ZNF217: variants seen among roughly 807,000 people sequenced by gnomAD.
ZNF217 encodes the protein zinc finger protein 217.
Under a neutral mutation model 73.3 loss-of-function variants are expected in ZNF217, and 12 were observed. That is an observed-to-expected ratio of 0.16 (90% CI 0.10 to 0.27). ZNF217 has a LOEUF of 0.27. ZNF217 is among the 10% of genes least tolerant of loss of function. The pLI, the probability that ZNF217 is intolerant of heterozygous loss-of-function variation, is 1.00. For synonymous variants in ZNF217, 588 were observed against 516.4 expected (o/e 1.14, Z -1.88); for missense variants, 1,195 against 1,327.8 (o/e 0.90, Z 1.55).
chr20:53,582,475 G>A lies in ZNF217; in HGVS notation c.352C>T (p.Pro118Ser), dbSNP rs765573610. 1.9e-6 allele frequency: 3 copies of A among 1,614,004 alleles called. No individual in the cohort carries two copies. Among genetic ancestry groups the A allele is most frequent in the Admixed American group, 3.3e-5 (2 of 60,008 alleles). ...LDKSQVRTEP[P>S]KEKNCKENEF... ...TTTTCCTTGCAATTCTTTTCCTTGG[G>A]AGGTTCTGTTCGCACTTGACTTTTA... Residue 118 changes from proline to serine, a missense_variant, in exon 2 of 6, where the codon CCC becomes TCC. Pro to Ser is a moderately conservative substitution (Grantham distance 74). Coordinates refer to ENST00000371471, the MANE Select transcript of ZNF217 (RefSeq NM_006526.3). This position sits in a 1 kb window ranked among gnomAD's most constrained non-coding sequence, Gnocchi z 4.8.
chr20:53,578,614 G>A (rs1324310360), intron 2 of ZNF217, among the ~76,000 whole-genome samples, 164 bp from the exon 3 acceptor site: 1 of 152,236 alleles, frequency 6.6e-6, no homozygotes, highest in African/African-American at 2.4e-5. Flanking sequence ...ACCAAATGCT[G>A]TTGGAGGTTG....
chr20:53,578,376 G>A lies in ZNF217; in HGVS notation c.1441C>T (p.Arg481Cys). ...TGAATATTGAGGTAATAATTTGAAC[G>A]GAAAAACTTTCCACAATAACTACAC... Reference protein sequence around the residue: ...RECSYCGKFFRSNYYLNIHLR... With the variant: ...RECSYCGKFFCSNYYLNIHLR... The change falls in exon 3 of 6, where the codon CGT becomes TGT. Residue 481 changes from arginine to cysteine, a missense_variant. Transcript: ENST00000371471. 4.4e-6 allele frequency: 7 copies of A among 1,595,494 alleles called. No homozygotes were observed. Among genetic ancestry groups the A allele is most frequent in the Non-Finnish European group, 6.0e-6 (7 of 1,173,996 alleles).
Position 53,568,977 on chromosome 20 carries a change from A to T in ZNF217, c.*311T>A, listed in dbSNP as rs1987865383. ...TTCAGCAGCGCTCAAGTATGCAAAAATTCCACTTCTTATTTGGTCAATTCT... is the reference window on the plus strand; with the variant it reads ...TTCAGCAGCGCTCAAGTATGCAAAATTTCCACTTCTTATTTGGTCAATTCT... On this transcript the variant is annotated 3_prime_UTR_variant, in exon 6 of 6. Transcript: ENST00000371471. 8.9e-6 allele frequency: 4 copies of T among 450,220 alleles called. No homozygotes were observed. The highest frequency in any genetic ancestry group is 1.2e-5 in the Non-Finnish European group (4 of 330,992). The allele number at this position is 450,220 out of a possible 1,614,324, so 27.9% of individuals were successfully genotyped here.
chr20:53,583,210 G>A (rs182799042), intron 1 of ZNF217, 42 bp from the exon 2 acceptor site: 32 of 405,644 alleles, frequency 7.9e-5, no homozygotes, highest in Non-Finnish European at 1.1e-4. Context: ...CACTCAGAGC[G>A]AAGAGAAGGC....
In ZNF217 at chr20:53,581,516, C is replaced by A. The variant is rs754993051; in HGVS notation, c.1311G>T (p.Gly437=). 1 of 1,614,076 alleles carries A rather than the reference C, an allele frequency of 6.2e-7. No homozygotes were observed. Among genetic ancestry groups the A allele is most frequent in the South Asian group, 1.1e-5 (1 of 91,086 alleles). ...PLDENGAVDR[G]EGGSEDGSED... Reference sequence around the variant, plus strand: ...CAGATCCGTCTTCAGAACCACCTTCCCCTCGATCCACGGCTCCATTTTCAT... The same window carrying A: ...CAGATCCGTCTTCAGAACCACCTTCACCTCGATCCACGGCTCCATTTTCAT... The change falls in exon 2 of 6, where the codon GGG becomes GGT. Residue 437 remains glycine (G), a synonymous_variant. Coordinates refer to ENST00000371471, the MANE Select transcript of ZNF217 (RefSeq NM_006526.3). This position sits in a 1 kb window ranked among gnomAD's most constrained non-coding sequence, Gnocchi z 4.9.
At chr20:53,577,802 C>T (rs1476355372) in intron 3 of ZNF217, among the ~76,000 whole-genome samples, 1 of 152,164 alleles carries the variant, frequency 6.6e-6, no homozygotes, top group Non-Finnish European at 1.5e-5. Flanking sequence ...ATAAACTAAA[C>T]AAATGAACTT....
At chr20:53,588,875 GA>G (rs1320687670) in intron 1 of ZNF217, among the ~76,000 whole-genome samples, 3 of 152,124 alleles carry the variant, frequency 2.0e-5, no homozygotes, top group African/African-American at 7.2e-5. Flanking sequence ...AAATCAAGGG[GA>G]AAAGTCTCCT....
chr20:53,583,814 G>T (rs1348869252), intron 1 of ZNF217, among the ~76,000 whole-genome samples: 1 of 152,202 alleles, frequency 6.6e-6, no homozygotes, highest in Non-Finnish European at 1.5e-5. Context: ...ATATATTTTG[G>T]TTCACTGGAT....
At chr20:53,569,668 G>C (rs1211752770) in intron 5 of ZNF217, among the ~76,000 whole-genome samples, 1 of 152,206 alleles carries the variant, frequency 6.6e-6, no homozygotes, top group African/African-American at 2.4e-5. Context: ...ACAGGCATGA[G>C]CCACTGCGCC....
At chr20:53,587,877 GT>G (rs1046332657) in intron 1 of ZNF217, among the ~76,000 whole-genome samples, 4 of 150,002 alleles carry the variant, frequency 2.7e-5, no homozygotes, top group Non-Finnish European at 5.9e-5. Context: ...AAAGCTACAG[GT>G]TTTTTTATTT....
At chr20:53,591,907 A>C (rs191414982) in intron 1 of ZNF217, among the ~76,000 whole-genome samples, 34 of 152,360 alleles carry the variant, frequency 2.2e-4, no homozygotes, top group Admixed American at 1.6e-3. Context: ...AAGTACAGTA[A>C]AATAAGAACA....
intron 3 of ZNF217, among the ~76,000 whole-genome samples, chr20:53,578,106 C>T (rs537881934): frequency 1.1e-4 from 17 of 151,770 alleles, no homozygotes; most frequent in African/African-American, 3.4e-4. Flanking sequence ...AGCAAGACTC[C>T]GTCTCAAAAA....
At chr20:53,593,489 A>C (rs991179794) in intron 1 of ZNF217, among the ~76,000 whole-genome samples, 12 of 148,434 alleles carry the variant, frequency 8.1e-5, no homozygotes, top group African/African-American at 1.5e-4. Context: ...CCGCACCCCA[A>C]GCCCCTCTGA....
At chr20:53,572,520 G>T (rs1014893069) in intron 4 of ZNF217, 1 of 152,072 alleles carries the variant, frequency 6.6e-6, no homozygotes, top group African/African-American at 2.4e-5. Context: ...AAGCACCATG[G>T]GGGGGGAAAT....
At position 53,576,098 on chromosome 20, in the gene ZNF217, T is replaced by C. The variant is rs34323943; in HGVS notation, c.2666A>G (p.Asp889Gly). ...TCTTCCCGGAGGTGCCCACGGGCTG[T>C]CGTTCTTGGCGGGGTAGTCGATGGA... is the stretch of plus-strand genomic sequence containing the variant. ...NGSIDYPAKN[D>G]SPWAPPGRDY... is the part of the protein sequence containing the mutation. Residue 889 changes from aspartate (D) to glycine (G), a missense_variant, in exon 4 of 6, where the codon GAC becomes GGC. This residue lies in a region of ZNF217 where 649 missense variants were observed against 642.8 expected (regional missense o/e 1.01). Transcript: ENST00000371471. 175,351 of 1,614,182 alleles carry C rather than the reference T, an allele frequency of 0.11. 10,459 individuals are homozygous for C. Among genetic ancestry groups the C allele is most frequent in the Middle Eastern group, 0.17 (1,001 of 6,060 alleles).
rs748367896 is a variant in ZNF217 at position 53,581,948 on chromosome 20, G to A, written c.879C>T (p.Phe293=). The A allele has an allele frequency of 1.4e-5, 23 of 1,614,130 alleles. No homozygotes were observed. The South Asian group carries it at 2.0e-4, about 14-fold the overall frequency. The change falls in exon 2 of 6, where the codon TTC becomes TTT. Residue 293 remains phenylalanine (F), a synonymous_variant. Coordinates refer to ENST00000371471, the MANE Select transcript of ZNF217 (RefSeq NM_006526.3). This position sits in a 1 kb window ranked among gnomAD's most constrained non-coding sequence, Gnocchi z 4.9. ...PVRCIPQLDP[F]TTFQAWQLAT... ...CCAGCTGCCAAGCCTGGAAGGTGGT[G>A]AACGGATCGAGCTGAGGGATGCATC...
upstream of ZNF217, chr20:53,597,603 A>ATG (rs1271056356): frequency 6.9e-6 from 1 of 145,008 alleles, no homozygotes; most frequent in Non-Finnish European, 1.5e-5. Context: ...ATTTATATAT[A>ATG]TGTATATATA....
At chr20:53,586,253 C>A (rs1249513982) in intron 1 of ZNF217, among the ~76,000 whole-genome samples, 1 of 152,160 alleles carries the variant, frequency 6.6e-6, no homozygotes, top group Non-Finnish European at 1.5e-5. Flanking sequence ...GGAATTAGCA[C>A]ACGTGTAGAA....
chr20:53,575,899 TA>T lies in ZNF217; in HGVS notation c.2864del (p.Leu955TyrfsTer19), dbSNP rs1988238613. 6.2e-7 allele frequency: 1 copy of T among 1,614,058 alleles called. No homozygotes were observed. ...YHMVRGITSL[L>X]PQDCVYPSQA... is the part of the protein sequence containing the mutation. ...GCGACGGATACACACAGTCCTGCGG[TA>T]ACAGTGATGTGATGCCTCTGACCAT... On this transcript the variant is annotated frameshift_variant, in exon 4 of 6. Transcript: ENST00000371471. LOFTEE classifies it high-confidence loss of function.
Sources: gnomAD v4.1 joint callset for allele counts (sites outside exome capture counted in the v4.1 genomes callset) on GRCh38, gnomAD v4.1.1 for gene constraint, gnomAD v4.1.1 regional missense constraint, Gnocchi (gnomAD v3.1) non-coding constraint, MANE v1.5 for transcripts, NCBI Gene and HGNC (gene_info 2026-07-23, HGNC 2026-07-21) for gene names.